The following XKR9 variants were observed in gnomAD, a reference collection of about 807,000 sequenced individuals.
The protein encoded by XKR9 is XK related 9.
In XKR9, 32 loss-of-function variants were observed where a neutral mutation model predicts 32.0. The observed-to-expected ratio is 1.00, with a 90% CI of 0.76 to 1.34. The LOEUF is 1.34. Ranked by LOEUF, XKR9 falls within the 40% of genes most tolerant of loss-of-function variation. The pLI is 0.00. For synonymous variants in XKR9, 168 were observed against 143.4 expected (o/e 1.17, Z -1.22); for missense variants, 546 against 429.7 (o/e 1.27, Z -2.39).
intron 3 of XKR9, among the ~76,000 whole-genome samples, chr8:70,697,981 T>C (rs1218367850): frequency 6.6e-6 from 1 of 152,140 alleles, no homozygotes; most frequent in Non-Finnish European, 1.5e-5. Flanking sequence ...TAGAGGTGTT[T>C]GTAGTATTCT....
chr8:70,768,709 T>A (rs1193032946), intron 2 of XKR9, among the ~76,000 whole-genome samples: 1 of 152,060 alleles, frequency 6.6e-6, no homozygotes, highest in African/African-American at 2.4e-5. Flanking sequence ...TGATCTTTGT[T>A]GGTTTAAAGT....
Position 70,672,058 on chromosome 8 carries a change from G to T in XKR9, c.-361+2520G>T, listed in dbSNP as rs1343968588. ...AGGAGAACTACAAACCACTGCTCAA[G>T]GAAATAAAAGAGGAGACAAACAAAT... On this transcript the variant is annotated intron_variant, in intron 1 of 4. Coordinates refer to ENST00000408926, the MANE Select transcript of XKR9 (RefSeq NM_001011720.2). Among the ~76,000 whole-genome samples, 4 of 54,120 alleles carry T rather than the reference G, an allele frequency of 7.4e-5. 1 individual carries two copies. The highest frequency in any genetic ancestry group is 4.8e-4 in the South Asian group (1 of 2,088). The allele number at this position is 54,120 out of a possible 152,430, so 35.5% of individuals were successfully genotyped here.
chr8:70,987,106 A>C, the XKR9 span, among the ~76,000 whole-genome samples: 1 of 152,156 alleles, frequency 6.6e-6, no homozygotes, highest in Non-Finnish European at 1.5e-5. Context: ...CCCAAAACAC[A>C]TGGAATTATG....
At chr8:70,912,110 A>G in the XKR9 span, among the ~76,000 whole-genome samples, 4 of 152,264 alleles carry the variant, frequency 2.6e-5, no homozygotes, top group South Asian at 4.1e-4. Flanking sequence ...AAAATTATAT[A>G]TGGTTCAGGA....
chr8:70,768,363 G>T (rs1041522121), intron 2 of XKR9, among the ~76,000 whole-genome samples: 1 of 152,198 alleles, frequency 6.6e-6, no homozygotes, highest in Non-Finnish European at 1.5e-5. Flanking sequence ...TTTAGAATAA[G>T]TGCTACATGG....
At chr8:70,709,633 G>A (rs1478000954) in intron 4 of XKR9, among the ~76,000 whole-genome samples, 2 of 151,994 alleles carry the variant, frequency 1.3e-5, no homozygotes, top group Non-Finnish European at 2.9e-5. Flanking sequence ...GTACAAAACA[G>A]TAGCATTTTT....
chr8:70,754,877 C>G (rs1807195735), intron 2 of XKR9, among the ~76,000 whole-genome samples: 1 of 151,978 alleles, frequency 6.6e-6, no homozygotes, highest in Non-Finnish European at 1.5e-5. Context: ...TCTAAAACAC[C>G]AAAAGCAATG....
At chr8:70,677,820 A>G (rs1401183830) in intron 2 of XKR9, among the ~76,000 whole-genome samples, 2 of 152,160 alleles carry the variant, frequency 1.3e-5, no homozygotes, top group South Asian at 4.1e-4. Context: ...ATGCCAAAAA[A>G]CTTCACTTTT....
the XKR9 span, among the ~76,000 whole-genome samples, chr8:70,881,449 G>A: frequency 5.3e-5 from 8 of 152,062 alleles, no homozygotes; most frequent in Non-Finnish European, 8.8e-5. Context: ...TCAAAAATGG[G>A]CAAAGAATAT....
the XKR9 span, among the ~76,000 whole-genome samples, chr8:70,882,014 C>G: frequency 1.3e-5 from 2 of 151,874 alleles, no homozygotes; most frequent in East Asian, 3.9e-4. Flanking sequence ...ATTGCCAGGA[C>G]AGAAAACCAA....
the XKR9 span, among the ~76,000 whole-genome samples, chr8:70,847,915 T>A: frequency 6.6e-6 from 1 of 152,002 alleles, no homozygotes; most frequent in African/African-American, 2.4e-5. Context: ...TCAATTATAC[T>A]CAAACTATTG....
the XKR9 span, among the ~76,000 whole-genome samples, chr8:70,815,523 T>TTATTTATA: frequency 6.6e-6 from 1 of 150,414 alleles, no homozygotes; most frequent in Non-Finnish European, 1.5e-5. Flanking sequence ...ATTTATTTAT[T>TTATTTATA]TATTTATTTA....
At chr8:70,742,088 C>T (rs568869963) in intron 2 of XKR9, among the ~76,000 whole-genome samples, 1 of 151,854 alleles carries the variant, frequency 6.6e-6, no homozygotes, top group South Asian at 2.1e-4. Context: ...GCTTATTGGC[C>T]ATTCATATAT....
At chr8:70,903,616 G>A in the XKR9 span, among the ~76,000 whole-genome samples, 2 of 152,056 alleles carry the variant, frequency 1.3e-5, no homozygotes, top group African/African-American at 2.4e-5. Flanking sequence ...TTTTTAAAGG[G>A]TTTTTTGTGT....
the XKR9 span, among the ~76,000 whole-genome samples, chr8:70,797,079 C>T: frequency 6.6e-6 from 1 of 152,204 alleles, no homozygotes; most frequent in Non-Finnish European, 1.5e-5. Context: ...TAGGAGACCT[C>T]TGTCAAAATG....
chr8:70,764,787 T>G lies in XKR9; in HGVS notation n.353-24552T>G, dbSNP rs566414910. Among the ~76,000 whole-genome samples the G allele has an allele frequency of 1.3e-3, 198 of 152,186 alleles. 2 individuals carry two copies. The highest frequency in any genetic ancestry group is 2.4e-3 in the Non-Finnish European group (164 of 67,992). On this transcript the variant is annotated intron_variant and non_coding_transcript_variant, in intron 2 of 3. Transcript: ENST00000520273. Reference sequence around the variant, plus strand: ...CCCTGGTGTGTGATGTTCCTCTCCGTGTGTCCATGTGTTCTTGTTGTTCAA... The same window carrying G: ...CCCTGGTGTGTGATGTTCCTCTCCGGGTGTCCATGTGTTCTTGTTGTTCAA...
chr8:70,729,236 A>G (rs1478262603), intron 4 of XKR9, among the ~76,000 whole-genome samples: 1 of 152,226 alleles, frequency 6.6e-6, no homozygotes, highest in African/African-American at 2.4e-5. Context: ...AATACTCACA[A>G]GTAGTTTCCA....
chr8:70,817,513 G>T, the XKR9 span, among the ~76,000 whole-genome samples: 2 of 152,084 alleles, frequency 1.3e-5, no homozygotes, highest in African/African-American at 4.8e-5. Flanking sequence ...CATGCTCGTG[G>T]ATCAGAAGAA....
At chr8:70,724,517 G>A (rs1331798927) in intron 4 of XKR9, among the ~76,000 whole-genome samples, 1 of 152,098 alleles carries the variant, frequency 6.6e-6, no homozygotes, top group Non-Finnish European at 1.5e-5. Flanking sequence ...GGGCCCTGGT[G>A]GTGTAGGCAC....
Sources: gnomAD v4.1 joint callset for allele counts (sites outside exome capture counted in the v4.1 genomes callset) on GRCh38, gnomAD v4.1.1 for gene constraint, MANE v1.5 for transcripts, NCBI Gene and HGNC (gene_info 2026-07-23, HGNC 2026-07-21) for gene names.